The following MICAL3 variants were observed in gnomAD, a reference collection of about 807,000 sequenced individuals.
MICAL3 encodes microtubule associated monooxygenase, calponin and LIM domain containing 3.
A neutral mutation model predicts 207.4 loss-of-function variants in MICAL3; 62 were observed. The ratio of observed to expected loss-of-function variants is 0.30; its 90% CI spans 0.24 to 0.37. The LOEUF is 0.37. MICAL3 is among the 10% of genes least tolerant of loss of function. MICAL3 has a pLI of 1.00. For missense variants in MICAL3, 2,368 were observed against 2,635.6 expected (o/e 0.90, Z 2.22); for synonymous variants, 1,077 against 1,069.3 (o/e 1.01, Z -0.14).
At position 17,821,913 on chromosome 22, in the gene MICAL3, G is replaced by A. The variant is rs184250342; in HGVS notation, c.3448+117C>T. 3.6e-5 allele frequency: 46 copies of A among 1,294,778 alleles called. No homozygotes were observed. In the African/African-American group the frequency reaches 5.3e-4, roughly 15 times the overall value. The allele number at this position is 1,294,778 out of a possible 1,614,324, so 80.2% of individuals were successfully genotyped here. A position where few individuals can be genotyped will look rare whatever the true frequency, so the allele number is the denominator to read the frequency against. On this transcript the variant is annotated intron_variant, in intron 24 of 31. Coordinates refer to ENST00000441493, the MANE Select transcript of MICAL3 (RefSeq NM_015241.3). ...AAGGCAAGGAGCTGCCCACACCTCG[G>A]AGGCTGGTGTGCACCATGGCTCTGC...
At chr22:17,831,168 T>A (rs1407756659) in intron 21 of MICAL3, among the ~76,000 whole-genome samples, 1 of 152,210 alleles carries the variant, frequency 6.6e-6, no homozygotes, top group Non-Finnish European at 1.5e-5. Flanking sequence ...CCACCTGCCC[T>A]GGCTCCGTCT....
At chr22:17,791,136 C>G (rs1323219395) in intron 30 of MICAL3, 65 bp from the exon 31 acceptor site, 1 of 1,604,478 alleles carries the variant, frequency 6.2e-7, no homozygotes, top group Non-Finnish European at 8.5e-7. Flanking sequence ...ACCCCCAAAT[C>G]TGGAAGGACC....
At chr22:17,826,193 T>C (rs1055725605) in intron 22 of MICAL3, among the ~76,000 whole-genome samples, 17 of 142,452 alleles carry the variant, frequency 1.2e-4, no homozygotes, top group African/African-American at 4.1e-4. Context: ...TTGGCCTTTT[T>C]ATCCGACTCT....
rs962326736 is a variant in MICAL3 at position 17,883,466 on chromosome 22, C to T, written c.2241+2412G>A. Among the ~76,000 whole-genome samples, 6 of 152,230 alleles carry T rather than the reference C, an allele frequency of 3.9e-5. No homozygotes were observed. The East Asian group carries it at 7.7e-4, about 20-fold the overall frequency. On this transcript the variant is annotated intron_variant, in intron 16 of 31. Transcript: ENST00000441493. ...CACAGGAGGCTGGGGAGACCGACTA[C>T]GGAAGGCACTGACGGCATCCAGGGC...
intron 1 of MICAL3, among the ~76,000 whole-genome samples, chr22:17,950,337 GTTTTTTTTTTTTTT>G (rs764642603): frequency 5.6e-5 from 5 of 89,334 alleles, no homozygotes; most frequent in African/African-American, 1.5e-4. Context: ...TTTTGTTTTT[GTTTTTTTTTTTTTT>G]TTTTTTTTTG....
chr22:17,979,833 G>T (rs886639978), intron 1 of MICAL3, among the ~76,000 whole-genome samples: 5 of 151,468 alleles, frequency 3.3e-5, no homozygotes, highest in South Asian at 2.1e-4. Flanking sequence ...GTTGTTTTTG[G>T]TTTTTTATAA....
chr22:17,862,618 A>G, intron 19 of MICAL3: 2 of 985,410 alleles, frequency 2.0e-6, no homozygotes, highest in African/African-American at 1.7e-5. Flanking sequence ...TCAAAGCTTC[A>G]GTTTCATATT....
intron 3 of MICAL3, among the ~76,000 whole-genome samples, chr22:17,903,103 G>C (rs1404185890): frequency 6.6e-6 from 1 of 152,238 alleles, no homozygotes; most frequent in African/African-American, 2.4e-5. Context: ...ATCCTGCTAG[G>C]AGGCAGATGT....
chr22:18,023,358 C>T (rs2146522143), intron 1 of MICAL3, among the ~76,000 whole-genome samples: 1 of 152,278 alleles, frequency 6.6e-6, no homozygotes, highest in Non-Finnish European at 1.5e-5. Context: ...AGCAGCCAGG[C>T]CTGAGAGCTA....
chr22:17,863,972 C>A, intron 19 of MICAL3: 2 of 985,486 alleles, frequency 2.0e-6, no homozygotes, highest in Non-Finnish European at 2.4e-6. Context: ...AAACACAGCC[C>A]TGCTGGCCCC....
chr22:17,903,777 T>C (rs1332865839), intron 3 of MICAL3, among the ~76,000 whole-genome samples: 1 of 152,238 alleles, frequency 6.6e-6, no homozygotes, highest in Non-Finnish European at 1.5e-5. Flanking sequence ...CAGCGTCTGA[T>C]AAATTGGCAC....
Position 17,896,309 on chromosome 22 carries a change from T to C in MICAL3, c.1259A>G (p.Asp420Gly). The change falls in exon 9 of 32, where the codon GAC (aspartate) becomes GGC (glycine). Residue 420 changes from aspartate (D) to glycine (G), a missense_variant. Asp to Gly is a moderately conservative substitution (Grantham distance 94). Transcript: ENST00000441493. ...GIARGFLAAM[D>G]SAWMVRSWSL... ...CCAACTTCGGACCATCCAGGCAGAG[T>C]CCATAGCAGCTAGAAAGCCCCGGGC... 1 of 1,561,678 alleles carries C rather than the reference T, an allele frequency of 6.4e-7. No homozygotes were observed. The highest frequency in any genetic ancestry group is 8.7e-7 in the Non-Finnish European group (1 of 1,152,528).
intron 1 of MICAL3, among the ~76,000 whole-genome samples, chr22:18,017,155 T>TCCACAATCCCATGC (rs1371805560): frequency 6.6e-6 from 1 of 151,978 alleles, no homozygotes; most frequent in Non-Finnish European, 1.5e-5. Context: ...CTCTCCCTTG[T>TCCACAATCCCATGC]CCACAATCCC....
At chr22:17,947,574 A>G (rs1429844743) in intron 1 of MICAL3, among the ~76,000 whole-genome samples, 1 of 152,138 alleles carries the variant, frequency 6.6e-6, no homozygotes, top group Non-Finnish European at 1.5e-5. Flanking sequence ...TCAAATTTTT[A>G]TCTTATTTTT....
At chr22:17,836,897 G>A (rs1004323041) in intron 20 of MICAL3, among the ~76,000 whole-genome samples, 8 of 152,074 alleles carry the variant, frequency 5.3e-5, no homozygotes, top group African/African-American at 1.7e-4. Flanking sequence ...TGCCTGCCTC[G>A]GCCTCCAAAA....
At chr22:17,931,089 A>AT (rs1293261349) in intron 1 of MICAL3, among the ~76,000 whole-genome samples, 1 of 151,858 alleles carries the variant, frequency 6.6e-6, no homozygotes, top group Non-Finnish European at 1.5e-5. Flanking sequence ...CCAGTGAGTG[A>AT]CCCCTCTCTG....
chr22:17,997,050 C>CTTTTTTTT (rs71716810), intron 1 of MICAL3, among the ~76,000 whole-genome samples: 15 of 75,518 alleles, frequency 2.0e-4, no homozygotes, highest in Non-Finnish European at 2.8e-4. Context: ...CCCATCTAGT[C>CTTTTTTTT]TTTTTTTTTT....
At chr22:17,990,689 G>A (rs1454419964) in intron 1 of MICAL3, among the ~76,000 whole-genome samples, 7 of 152,238 alleles carry the variant, frequency 4.6e-5, no homozygotes, top group African/African-American at 1.4e-4. Flanking sequence ...ACCATTTACC[G>A]GGTGAGAGAT....
In MICAL3 at chr22:17,790,718, C is replaced by T. The variant is rs548371442; in HGVS notation, c.*14G>A. On this transcript the variant is annotated 3_prime_UTR_variant, in exon 32 of 32. Transcript: ENST00000441493. The stretch of plus-strand genomic sequence containing the variant: ...AGGCGGATGCCAACAGAAAATGGAG[C>T]GTTGGGTGGGAGCTCAGGACCAGTT... 5 of 1,576,676 alleles carry T rather than the reference C, an allele frequency of 3.2e-6. No homozygotes were observed. The highest frequency in any genetic ancestry group is 1.7e-4 in the Middle Eastern group (1 of 6,018).
Sources: allele counts gnomAD v4.1 joint callset (sites outside exome capture counted in the v4.1 genomes callset), GRCh38; gene constraint gnomAD v4.1.1; transcripts MANE v1.5; gene names NCBI Gene and HGNC (gene_info 2026-07-23, HGNC 2026-07-21).